ZNF138: variants seen among roughly 807,000 people sequenced by gnomAD.
The protein encoded by ZNF138 is zinc finger protein 138 (clone pHZ-32).
A neutral mutation model predicts 33.0 loss-of-function variants in ZNF138; 33 were observed. The ratio of observed to expected loss-of-function variants is 1.00; its 90% CI spans 0.76 to 1.34. The LOEUF (loss-of-function observed/expected upper bound fraction) is 1.34, where lower values mean the gene tolerates loss of function less well. ZNF138 is among the 40% of genes most tolerant of loss of function. The pLI, the probability that ZNF138 is intolerant of heterozygous loss-of-function variation, is 0.00. For synonymous variants in ZNF138, 139 were observed against 120.4 expected (o/e 1.15, Z -1.01); for missense variants, 360 against 370.8 (o/e 0.97, Z 0.24).
intron 3 of ZNF138, among the ~76,000 whole-genome samples, chr7:64,818,030 G>A (rs1392266895): frequency 7.1e-6 from 1 of 140,238 alleles, no homozygotes. Flanking sequence ...GTCTCACTCT[G>A]CACCCAGGCT....
At chr7:64,808,641 G>A (rs1424688345) in intron 1 of ZNF138, among the ~76,000 whole-genome samples, 1 of 150,278 alleles carries the variant, frequency 6.7e-6, no homozygotes, top group Admixed American at 6.7e-5. Context: ...TTCTCACAGA[G>A]GGGGATTTGG....
At position 64,831,606 on chromosome 7, in the gene ZNF138, G is replaced by C; in HGVS notation, c.364G>C (p.Gly122Arg). 6.2e-7 allele frequency: 1 copy of C among 1,611,842 alleles called. No individual in the cohort carries two copies. Among genetic ancestry groups the C allele is most frequent in the Non-Finnish European group, 8.5e-7 (1 of 1,178,866 alleles). The part of the protein sequence containing the change: ...KSVDECKGHQ[G>R]GFNGLNQCLK... The stretch of plus-strand genomic sequence containing the variant: ...TGTGGATGAGTGTAAGGGACACCAA[G>C]GAGGTTTTAATGGACTTAACCAATG... The change falls in exon 4 of 4, where the codon GGA (glycine) becomes CGA (arginine). Residue 122 changes from glycine to arginine, a missense_variant. Coordinates refer to ENST00000307355, the MANE Select transcript of ZNF138 (RefSeq NM_001271639.2).
intron 1 of ZNF138, among the ~76,000 whole-genome samples, chr7:64,794,978 A>AG (rs1786571746): frequency 6.6e-6 from 1 of 152,124 alleles, no homozygotes; most frequent in Non-Finnish European, 1.5e-5. Context: ...CCGCAAAAAA[A>AG]TTAATTTAAT....
chr7:64,833,632 A>T lies in ZNF138; in HGVS notation c.*1430A>T, dbSNP rs1562930210. The T allele has an allele frequency of 6.6e-6, 1 of 152,418 alleles. No homozygotes were observed. The highest frequency in any genetic ancestry group is 1.5e-5 in the Non-Finnish European group (1 of 68,202). The allele number at this position is 152,418 out of a possible 1,614,324, so 9.4% of individuals were successfully genotyped here. Reference sequence around the variant, plus strand: ...GCTTACATCTTATTCAACATTAGAGAGTTAGTACTTAATAAAAGCATTATA... The same window carrying T: ...GCTTACATCTTATTCAACATTAGAGTGTTAGTACTTAATAAAAGCATTATA... On this transcript the variant is annotated 3_prime_UTR_variant, in exon 4 of 4. Coordinates refer to ENST00000307355, the MANE Select transcript of ZNF138 (RefSeq NM_001271639.2).
chr7:64,807,235 C>T (rs1227432469), intron 1 of ZNF138, among the ~76,000 whole-genome samples: 1 of 152,160 alleles, frequency 6.6e-6, no homozygotes, highest in Non-Finnish European at 1.5e-5. Flanking sequence ...CCTGATTTCC[C>T]ACTTCATGCC....
chr7:64,829,267 T>A (rs1334927392), intron 3 of ZNF138, among the ~76,000 whole-genome samples: 1 of 138,180 alleles, frequency 7.2e-6, no homozygotes, highest in African/African-American at 2.5e-5. Flanking sequence ...TATTTTGTCT[T>A]ATTTTTATTA....
chr7:64,828,027 G>A (rs939053129), intron 3 of ZNF138, among the ~76,000 whole-genome samples: 4 of 151,980 alleles, frequency 2.6e-5, no homozygotes, highest in Admixed American at 1.3e-4. Flanking sequence ...TTTATTTGTG[G>A]TGTTGGTTTA....
the ZNF138 span, among the ~76,000 whole-genome samples, chr7:64,846,389 C>T: frequency 6.6e-6 from 1 of 152,172 alleles, no homozygotes; most frequent in Admixed American, 6.5e-5. Context: ...TCTACCCATC[C>T]ATGAGCATGG....
chr7:64,827,250 A>C (rs2129013131), intron 3 of ZNF138, among the ~76,000 whole-genome samples: 1 of 92,184 alleles, frequency 1.1e-5, no homozygotes, highest in East Asian at 3.6e-4. Context: ...CCACCATGAA[A>C]CTTTTTTTTT....
At chr7:64,834,663 A>G (rs889294938), downstream of ZNF138, among the ~76,000 whole-genome samples, 1 of 152,136 alleles carries the variant, frequency 6.6e-6, no homozygotes, top group African/African-American at 2.4e-5. Context: ...TGTTATGTCA[A>G]TATTGTTTTT....
intron 3 of ZNF138, among the ~76,000 whole-genome samples, chr7:64,817,916 T>C (rs60228666): frequency 0.093 from 14,105 of 151,848 alleles, 1,148 homozygotes; most frequent in African/African-American, 0.22. Flanking sequence ...AAGTTTGCTG[T>C]AGGTAAAGAG....
At chr7:64,825,224 G>A (rs1457056113) in intron 3 of ZNF138, among the ~76,000 whole-genome samples, 1 of 134,926 alleles carries the variant, frequency 7.4e-6, no homozygotes, top group Admixed American at 8.0e-5. Context: ...CCAGGCTGGA[G>A]TGCAGTGGCG....
intron 1 of ZNF138, among the ~76,000 whole-genome samples, chr7:64,809,794 C>T (rs1787982617): frequency 7.3e-6 from 1 of 137,480 alleles, no homozygotes; most frequent in African/African-American, 2.7e-5. Flanking sequence ...CGCGGCCGGG[C>T]AGAGGTGCTC....
At chr7:64,839,819 G>A in the ZNF138 span, among the ~76,000 whole-genome samples, 2 of 152,252 alleles carry the variant, frequency 1.3e-5, no homozygotes, top group Non-Finnish European at 1.5e-5. Flanking sequence ...CCAATGAAAG[G>A]CAATGGAAGG....
chr7:64,826,257 A>G (rs2129012356), intron 3 of ZNF138, among the ~76,000 whole-genome samples: 1 of 151,998 alleles, frequency 6.6e-6, no homozygotes, highest in Admixed American at 6.6e-5. Flanking sequence ...TTAATTGTGT[A>G]GTGACGTGCT....
chr7:64,843,027 A>G, the ZNF138 span, among the ~76,000 whole-genome samples: 140,204 of 152,244 alleles, frequency 0.92, 65,649 homozygotes, highest in Non-Finnish European at 1. Flanking sequence ...TTACTTCAAT[A>G]AGATTAAGTT....
At position 64,823,022 on chromosome 7, in the gene ZNF138, A is replaced by G. The variant is rs192329374; in HGVS notation, c.208+7369A>G. ...CAGCCTCCTGAGTAGCTGAGATTAC[A>G]GACATGCACCACCACGCCCGTCTAA... On this transcript the variant is annotated intron_variant, in intron 3 of 3. Transcript: ENST00000307355. 1.6e-4 allele frequency among the ~76,000 whole-genome samples: 24 copies of G among 152,166 alleles called. No individual in the cohort carries two copies. In the East Asian group the frequency reaches 4.7e-3, roughly 30 times the overall value.
At chr7:64,853,103 G>A in the ZNF138 span, 5 of 1,416,694 alleles carry the variant, frequency 3.5e-6, no homozygotes, top group Non-Finnish European at 5.0e-6. Flanking sequence ...AATGTAATCT[G>A]TAGTTTGAAC....
the ZNF138 span, chr7:64,853,356 G>A: frequency 4.0e-6 from 6 of 1,508,390 alleles, no homozygotes; most frequent in Non-Finnish European, 5.5e-6. Flanking sequence ...TGTAGATATG[G>A]TTGTTGGGCC....
Sources: allele counts gnomAD v4.1 joint callset (sites outside exome capture counted in the v4.1 genomes callset), GRCh38; gene constraint gnomAD v4.1.1; transcripts MANE v1.5; gene names NCBI Gene and HGNC (gene_info 2026-07-23, HGNC 2026-07-21).